GINS3: variants seen among roughly 807,000 people sequenced by gnomAD.
GINS3 encodes GINS complex subunit 3.
A neutral mutation model predicts 20.0 loss-of-function variants in GINS3; 18 were observed. The observed-to-expected ratio is 0.90, with a 90% confidence interval of 0.62 to 1.33. The LOEUF (loss-of-function observed/expected upper bound fraction) is 1.33, where lower values mean the gene tolerates loss of function less well. GINS3 is among the 40% of genes most tolerant of loss of function. The probability of loss-of-function intolerance (pLI) is 0.00; values close to 1 mark genes in which losing one functional copy is unlikely to be tolerated. For synonymous variants in GINS3, 109 were observed against 107.0 expected, an observed-to-expected ratio of 1.02 and a Z score of -0.12; for missense variants, 254 against 273.6, an observed-to-expected ratio of 0.93 and a Z score of 0.51.
At chr16:58,395,192 C>T (rs1965834052) in intron 1 of GINS3, 1 of 419,506 alleles carries the variant, frequency 2.4e-6, no homozygotes, top group South Asian at 7.9e-5. Flanking sequence ...CCTCCCACCT[C>T]AGCCACCTAT....
intron 1 of GINS3, among the ~76,000 whole-genome samples, chr16:58,397,700 G>A (rs558827072): frequency 0.016 from 2,479 of 152,246 alleles, 38 homozygotes; most frequent in Non-Finnish European, 0.023. Context: ...ACAGGCACTC[G>A]GCAGGCTGAG....
Position 58,392,733 on chromosome 16 carries a change from C to T in GINS3, c.132C>T (p.Gly44=), listed in dbSNP as rs767093240. The T allele has an allele frequency of 1.9e-6, 3 of 1,613,946 alleles. No individual in the cohort carries two copies. Among genetic ancestry groups the T allele is most frequent in the Non-Finnish European group, 2.5e-6 (3 of 1,180,004 alleles). The change falls in exon 1 of 3, where the codon GGC becomes GGT. Residue 44 remains glycine, a synonymous_variant. Coordinates refer to ENST00000318129, the MANE Select transcript of GINS3 (RefSeq NM_022770.4). The part of the protein sequence containing the change: ...VRTETAMPRL[G]AFFLERSAGA... The stretch of plus-strand genomic sequence containing the variant: ...CGGAGACCGCCATGCCTCGCCTTGG[C>T]GCTTTCTTCCTGGAGCGGAGCGCAG...
intron 1 of GINS3, among the ~76,000 whole-genome samples, chr16:58,401,044 A>G (rs147320076): frequency 1.7e-4 from 26 of 151,658 alleles, no homozygotes; most frequent in Non-Finnish European, 3.8e-4. Context: ...CGAACCCCTG[A>G]GCCCATGTGA....
In GINS3 at chr16:58,405,394, G is replaced by A. The variant is rs1596964123; in HGVS notation, c.*665G>A. 2 of 152,426 alleles carry A rather than the reference G, an allele frequency of 1.3e-5. No individual in the cohort carries two copies. Among genetic ancestry groups the A allele is most frequent in the East Asian group, 3.8e-4 (2 of 5,196 alleles). 9.4% of individuals were successfully genotyped at this position (152,426 alleles called of 1,614,324 possible). ...GAACTGGAATCTGCATAACTCAGCA[G>A]TCAACCCAGAAGGGAAATGGTTAAA... is the stretch of plus-strand genomic sequence containing the variant. On this transcript the variant is annotated 3_prime_UTR_variant, in exon 3 of 3. Coordinates refer to ENST00000318129, the MANE Select transcript of GINS3 (RefSeq NM_022770.4).
intron 1 of GINS3, among the ~76,000 whole-genome samples, chr16:58,397,579 C>T (rs928072740): frequency 2.6e-5 from 4 of 152,110 alleles, no homozygotes; most frequent in South Asian, 2.1e-4. Context: ...CTGAGGCTGG[C>T]GGATCACTCG....
intron 1 of GINS3, among the ~76,000 whole-genome samples, chr16:58,396,439 G>T (rs1215263612): frequency 9.6e-6 from 1 of 103,918 alleles, no homozygotes; most frequent in Non-Finnish European, 2.0e-5. Context: ...TGGGCAGAGG[G>T]GCTCCTCACT....
At chr16:58,396,668 AC>A (rs553324795) in intron 1 of GINS3, among the ~76,000 whole-genome samples, 1 of 80,380 alleles carries the variant, frequency 1.2e-5, no homozygotes, top group Non-Finnish European at 2.4e-5. Flanking sequence ...CGGTGGGCTG[AC>A]CCCCCGACCT....
chr16:58,405,247 G>A lies in GINS3; in HGVS notation c.*518G>A, dbSNP rs1333756285. On this transcript the variant is annotated 3_prime_UTR_variant, in exon 3 of 3. Transcript: ENST00000318129. ...ATATCTCCTGCTGCCTGCCTGCAGG[G>A]AGTTACCCCAGTTTCCAAAAACAGT... The A allele has an allele frequency of 6.5e-6, 1 of 153,704 alleles. No individual in the cohort carries two copies. 9.5% of individuals were successfully genotyped at this position (153,704 alleles called of 1,614,324 possible). A position where few individuals can be genotyped will look rare whatever the true frequency, so the allele number is the denominator to read the frequency against.
intron 1 of GINS3, 50 bp from the exon 2 acceptor site, chr16:58,403,048 T>C: frequency 1.4e-6 from 2 of 1,436,670 alleles, no homozygotes; most frequent in Non-Finnish European, 2.0e-6. Context: ...TCACACACAT[T>C]TGCTGTGTTA....
chr16:58,396,147 C>G (rs1198222033), intron 1 of GINS3, among the ~76,000 whole-genome samples: 18 of 129,024 alleles, frequency 1.4e-4, no homozygotes, highest in Admixed American at 7.6e-4. Context: ...CTGACCCCCC[C>G]ACCTCCCTCT....
In GINS3 at chr16:58,401,883, T is replaced by A. The variant is rs79670590; in HGVS notation, c.187-1215T>A. Reference sequence around the variant, plus strand: ...GTTGTGATTTTATTAGTATTTATTCTATTAATACTTGTTATTCATAATGTT... The same window carrying A: ...GTTGTGATTTTATTAGTATTTATTCAATTAATACTTGTTATTCATAATGTT... On this transcript the variant is annotated intron_variant, in intron 1 of 2. Coordinates refer to ENST00000318129, the MANE Select transcript of GINS3 (RefSeq NM_022770.4). Among the ~76,000 whole-genome samples the A allele has an allele frequency of 5.1e-3, 778 of 152,330 alleles. 7 individuals carry two copies. The highest frequency in any genetic ancestry group is 0.016 in the African/African-American group (681 of 41,550).
At position 58,404,484 on chromosome 16, in the gene GINS3, T is replaced by G. The variant is rs774950839; in HGVS notation, c.421-15T>G. On this transcript the variant is annotated splice_polypyrimidine_tract_variant and intron_variant, in intron 2 of 2. Coordinates refer to ENST00000318129, the MANE Select transcript of GINS3 (RefSeq NM_022770.4). ...TGAGGTCAACCCTGACTTGTCTTAC[T>G]CCCTTGTTTCCCAGACTTTTATCGG... 25 of 1,590,632 alleles carry G rather than the reference T, an allele frequency of 1.6e-5. 1 individual carries two copies. In the South Asian group the frequency reaches 2.2e-4, roughly 14 times the overall value.
At chr16:58,396,385 A>C (rs374368084) in intron 1 of GINS3, among the ~76,000 whole-genome samples, 2 of 55,686 alleles carry the variant, frequency 3.6e-5, no homozygotes, top group Non-Finnish European at 7.1e-5. Flanking sequence ...CTGGCCGGGC[A>C]GGGGGCTGAC....
At chr16:58,403,362 T>C in intron 2 of GINS3, 31 bp downstream of exon 2, 1 of 1,552,452 alleles carries the variant, frequency 6.4e-7, no homozygotes, top group Non-Finnish European at 8.9e-7. Context: ...CCTGTGGTGC[T>C]GCACTTGTCT....
intron 1 of GINS3, among the ~76,000 whole-genome samples, chr16:58,397,794 G>A (rs1282866801): frequency 2.6e-5 from 4 of 151,654 alleles, no homozygotes; most frequent in South Asian, 2.1e-4. Context: ...GAGGGAGACC[G>A]TGGAAAGAGA....
chr16:58,406,094 A>T lies in GINS3; in HGVS notation c.*1365A>T, dbSNP rs1459284700. 6.6e-6 allele frequency: 1 copy of T among 150,436 alleles called. No individual in the cohort carries two copies. The highest frequency in any genetic ancestry group is 1.9e-4 in the East Asian group (1 of 5,140). The allele number at this position is 150,436 out of a possible 1,614,324, so 9.3% of individuals were successfully genotyped here. A position where few individuals can be genotyped will look rare whatever the true frequency, so the allele number is the denominator to read the frequency against. On this transcript the variant is annotated 3_prime_UTR_variant, in exon 3 of 3. Coordinates refer to ENST00000318129, the MANE Select transcript of GINS3 (RefSeq NM_022770.4). Reference sequence around the variant, plus strand: ...ACTACAGATAATCAAAGCTATCAGAATTGTGTCTTTGATCATATTTGACGG... The same window carrying T: ...ACTACAGATAATCAAAGCTATCAGATTTGTGTCTTTGATCATATTTGACGG...
intron 1 of GINS3, among the ~76,000 whole-genome samples, chr16:58,394,074 A>G (rs1341703056): frequency 6.6e-6 from 1 of 152,088 alleles, no homozygotes; most frequent in Non-Finnish European, 1.5e-5. Flanking sequence ...TTTCGTTCCC[A>G]TACACACTGG....
chr16:58,404,552 C>G lies in GINS3; in HGVS notation c.474C>G (p.Asn158Lys), dbSNP rs201758518. The G allele has an allele frequency of 1.2e-6, 2 of 1,614,138 alleles. No individual in the cohort carries two copies. Among genetic ancestry groups the G allele is most frequent in the Admixed American group, 1.7e-5 (1 of 60,028 alleles). Reference sequence around the variant, plus strand: ...TGGACTCCTCACAGAATGCTTACAACGAAGACACTTCAGCCCTGGTAGCCA... The same window carrying G: ...TGGACTCCTCACAGAATGCTTACAAGGAAGACACTTCAGCCCTGGTAGCCA... Reference protein sequence around the residue: ...RIMDSSQNAYNEDTSALVARL... With the variant: ...RIMDSSQNAYKEDTSALVARL... Residue 158 changes from asparagine (N) to lysine (K), a missense_variant, in exon 3 of 3, where the codon AAC becomes AAG. By Grantham distance (94) the Asn-to-Lys change is moderately conservative (BLOSUM62 0). Transcript: ENST00000318129.
chr16:58,404,595 A>G lies in GINS3; in HGVS notation c.517A>G (p.Arg173Gly), dbSNP rs1488393473. Reference protein sequence around the residue: ...ALVARLDEMERGLFQTGQKGL... With the variant: ...ALVARLDEMEGGLFQTGQKGL... ...GGTAGCCAGGCTAGACGAGATGGAG[A>G]GGGGCTTATTTCAAACAGGGCAGAA... Residue 173 changes from arginine (R) to glycine (G), a missense_variant, in exon 3 of 3, where the codon AGG becomes GGG. By Grantham distance (125) the Arg-to-Gly change is moderately radical. Transcript: ENST00000318129. 1 of 1,613,920 alleles carries G rather than the reference A, an allele frequency of 6.2e-7. No individual in the cohort carries two copies. Among genetic ancestry groups the G allele is most frequent in the Non-Finnish European group, 8.5e-7 (1 of 1,179,984 alleles).
Sources: allele counts gnomAD v4.1 joint callset (sites outside exome capture counted in the v4.1 genomes callset), GRCh38; gene constraint gnomAD v4.1.1; transcripts MANE v1.5; gene names NCBI Gene and HGNC (gene_info 2026-07-23, HGNC 2026-07-21).